The following CSRNP3 variants were observed in gnomAD, a reference collection of about 807,000 sequenced individuals.
CSRNP3 encodes cysteine and serine rich nuclear protein 3.
CSRNP3 carries 12 observed loss-of-function variants against 48.0 expected under a neutral mutation model. The observed-to-expected ratio is 0.25, with a 90% CI of 0.16 to 0.41. The LOEUF is 0.41. Ranked by LOEUF, CSRNP3 falls within the 10% of genes least tolerant of loss-of-function variation. The probability of loss-of-function intolerance (pLI) is 1.00; values close to 1 mark genes in which losing one functional copy is unlikely to be tolerated. For synonymous variants in CSRNP3, 263 were observed against 269.7 expected, an observed-to-expected ratio of 0.98 and a Z score of 0.24; for missense variants, 580 against 724.4, an observed-to-expected ratio of 0.80 and a Z score of 2.29.
intron 3 of CSRNP3, among the ~76,000 whole-genome samples, chr2:165,551,583 T>C (rs1685096276): frequency 6.6e-6 from 1 of 152,224 alleles, no homozygotes; most frequent in Non-Finnish European, 1.5e-5. Flanking sequence ...TAGCTATTCC[T>C]GTCTAATTCT....
At chr2:165,598,563 G>T (rs554510588) in intron 4 of CSRNP3, among the ~76,000 whole-genome samples, 1 of 152,232 alleles carries the variant, frequency 6.6e-6, no homozygotes, top group South Asian at 2.1e-4. Context: ...GAAATGGCCT[G>T]GTGAGCTAAG....
chr2:165,558,754 T>G (rs1462112868), intron 3 of CSRNP3, among the ~76,000 whole-genome samples: 1 of 152,216 alleles, frequency 6.6e-6, no homozygotes, highest in East Asian at 1.9e-4. Flanking sequence ...TTTTACGTAT[T>G]ACTCAATTTA....
At chr2:165,602,443 T>C (rs1458826918) in intron 4 of CSRNP3, among the ~76,000 whole-genome samples, 1 of 152,226 alleles carries the variant, frequency 6.6e-6, no homozygotes, top group African/African-American at 2.4e-5. Context: ...AGATCATATG[T>C]AGAAACATGC....
chr2:165,538,904 A>G (rs1475438750), intron 3 of CSRNP3, among the ~76,000 whole-genome samples: 2 of 151,944 alleles, frequency 1.3e-5, no homozygotes, highest in Non-Finnish European at 2.9e-5. Context: ...AGTAAAAACT[A>G]TGTTTAACAA....
intron 4 of CSRNP3, among the ~76,000 whole-genome samples, chr2:165,636,239 C>T (rs1358653884): frequency 6.6e-6 from 1 of 152,126 alleles, no homozygotes; most frequent in Non-Finnish European, 1.5e-5. Context: ...ACAGAAGCTA[C>T]TTAGAAATTG....
Position 165,565,679 on chromosome 2 carries a change from C to G in CSRNP3, c.-23-29364C>G, listed in dbSNP as rs1306734203. 2.0e-5 allele frequency among the ~76,000 whole-genome samples: 3 copies of G among 151,890 alleles called. No homozygotes were observed. In the East Asian group the frequency reaches 5.8e-4, roughly 29 times the overall value. On this transcript the variant is annotated intron_variant, in intron 3 of 6. Coordinates refer to ENST00000651982, the MANE Select transcript of CSRNP3 (RefSeq NM_001172173.2). ...GCATGCCTCATATCAAGGAAGCCAG[C>G]CACTAGCATTAATAGCAAGCCATGG...
chr2:165,569,073 T>C (rs1685335239), intron 3 of CSRNP3, among the ~76,000 whole-genome samples: 1 of 152,104 alleles, frequency 6.6e-6, no homozygotes, highest in African/African-American at 2.4e-5. Context: ...GAGAACAGTG[T>C]ATATTTCATT....
At chr2:165,661,801 G>A (rs147740047) in intron 5 of CSRNP3, among the ~76,000 whole-genome samples, 22 of 152,246 alleles carry the variant, frequency 1.4e-4, no homozygotes, top group African/African-American at 5.1e-4. Context: ...TAAGGAGTGA[G>A]GAAAGGCAGC....
At chr2:165,595,334 A>G in intron 4 of CSRNP3, 121 bp downstream of exon 4, 1 of 894,686 alleles carries the variant, frequency 1.1e-6, no homozygotes, top group Non-Finnish European at 1.7e-6. Context: ...AAATACAAAG[A>G]ACACTTACCC....
chr2:165,551,055 ACAG>A (rs1356778421), intron 3 of CSRNP3, among the ~76,000 whole-genome samples: 2 of 151,998 alleles, frequency 1.3e-5, no homozygotes, highest in Non-Finnish European at 2.9e-5. Context: ...CCAGAACTGG[ACAG>A]CTTTTATGCC....
At chr2:165,599,456 ATTC>A (rs966411316) in intron 4 of CSRNP3, among the ~76,000 whole-genome samples, 1 of 152,040 alleles carries the variant, frequency 6.6e-6, no homozygotes, top group African/African-American at 2.4e-5. Context: ...CACCAGGCCA[ATTC>A]TTGTATTTTT....
intron 3 of CSRNP3, among the ~76,000 whole-genome samples, chr2:165,570,587 T>C (rs1298167525): frequency 7.3e-6 from 1 of 136,204 alleles, no homozygotes; most frequent in Non-Finnish European, 1.6e-5. Flanking sequence ...GTTTTTGAAG[T>C]AATGCAGTAA....
At chr2:165,544,297 C>T (rs1684995385) in intron 3 of CSRNP3, among the ~76,000 whole-genome samples, 1 of 152,132 alleles carries the variant, frequency 6.6e-6, no homozygotes, top group Non-Finnish European at 1.5e-5. Context: ...AAGCCTCCTT[C>T]TTCACAGCAC....
chr2:165,669,900 A>T (rs566178597), intron 5 of CSRNP3, among the ~76,000 whole-genome samples: 1 of 152,336 alleles, frequency 6.6e-6, no homozygotes, highest in East Asian at 1.9e-4. Context: ...ATGCATACAG[A>T]GATAGGATAA....
At chr2:165,615,251 G>C (rs1418287086) in intron 4 of CSRNP3, among the ~76,000 whole-genome samples, 1 of 152,066 alleles carries the variant, frequency 6.6e-6, no homozygotes, top group Non-Finnish European at 1.5e-5. Context: ...ACTTAGAATA[G>C]TTATATCCTT....
rs1687638475 is a variant in CSRNP3, at chr2:165,686,837, G to C, written c.*7084G>C. 1 of 151,992 alleles carries C rather than the reference G, an allele frequency of 6.6e-6. No individual in the cohort carries two copies. The highest frequency in any genetic ancestry group is 6.6e-5 in the Admixed American group (1 of 15,228). The allele number at this position is 151,992 out of a possible 1,614,324, so 9.4% of individuals were successfully genotyped here. A position where few individuals can be genotyped will look rare whatever the true frequency, so the allele number is the denominator to read the frequency against. On this transcript the variant is annotated 3_prime_UTR_variant, in exon 7 of 7. Coordinates refer to ENST00000651982, the MANE Select transcript of CSRNP3 (RefSeq NM_001172173.2). ...AATCTTTTCAAAGATACTCACAATG[G>C]CCAACTGTGTGTGAATACTGGAAAG...
intron 4 of CSRNP3, among the ~76,000 whole-genome samples, chr2:165,639,250 G>T (rs1686686351): frequency 1.3e-5 from 2 of 152,144 alleles, no homozygotes; most frequent in African/African-American, 4.8e-5. Context: ...GTGGCACTAA[G>T]CACCATATGA....
chr2:165,632,598 C>A (rs142396189), intron 4 of CSRNP3, among the ~76,000 whole-genome samples: 1 of 152,174 alleles, frequency 6.6e-6, no homozygotes, highest in South Asian at 2.1e-4. Context: ...TACAGCTTTA[C>A]AGTTACATTT....
chr2:165,647,226 G>A (rs539740329), intron 4 of CSRNP3, among the ~76,000 whole-genome samples: 1 of 152,194 alleles, frequency 6.6e-6, no homozygotes, highest in Non-Finnish European at 1.5e-5. Flanking sequence ...AAGAAATGCA[G>A]ATGCTCATTA....
Sources: gnomAD v4.1 joint callset for allele counts (sites outside exome capture counted in the v4.1 genomes callset) on GRCh38, gnomAD v4.1.1 for gene constraint, MANE v1.5 for transcripts, NCBI Gene and HGNC (gene_info 2026-07-23, HGNC 2026-07-21) for gene names.